The following ZNF331 variants were observed in gnomAD, a reference collection of about 807,000 sequenced individuals.
ZNF331 encodes the protein C2H2-like zinc finger protein rearranged in thyroid adenomas.
A neutral mutation model predicts 7.0 loss-of-function variants in ZNF331; 2 were observed. The ratio of observed to expected loss-of-function variants is 0.29; its 90% confidence interval spans 0.12 to 0.90. ZNF331 has a LOEUF of 0.90. ZNF331 is among the 40% of genes least tolerant of loss of function. The pLI, the probability that ZNF331 is intolerant of heterozygous loss-of-function variation, is 0.58. For synonymous variants in ZNF331, 196 were observed against 205.4 expected, an observed-to-expected ratio of 0.95 and a Z score of 0.39; for missense variants, 432 against 587.7, an observed-to-expected ratio of 0.74 and a Z score of 2.74.
chr19:53,534,083 C>T (rs1458833266), upstream of ZNF331, among the ~76,000 whole-genome samples: 2 of 152,126 alleles, frequency 1.3e-5, no homozygotes, highest in African/African-American at 4.8e-5. Context: ...CGGACTAAGA[C>T]AACTGTATTG....
upstream of ZNF331, among the ~76,000 whole-genome samples, chr19:53,536,146 C>G (rs1391197309): frequency 1.3e-5 from 2 of 152,158 alleles, no homozygotes; most frequent in Admixed American, 1.3e-4. Context: ...ACTATCATGT[C>G]TCTGTCTCCC....
chr19:53,557,051 C>T (rs983009981), intron 3 of ZNF331, among the ~76,000 whole-genome samples: 1 of 140,740 alleles, frequency 7.1e-6, no homozygotes, highest in Non-Finnish European at 1.5e-5. Context: ...AACTCCTGAG[C>T]TCAAGCAATC....
chr19:53,540,770 C>T (rs2088106242), intron 2 of ZNF331, among the ~76,000 whole-genome samples: 1 of 77,420 alleles, frequency 1.3e-5, no homozygotes, highest in African/African-American at 6.5e-5. Context: ...CTTTTGCTGG[C>T]TTCTAGACAC....
chr19:53,547,067 T>C (rs1210391757), intron 2 of ZNF331, among the ~76,000 whole-genome samples: 1 of 152,222 alleles, frequency 6.6e-6, no homozygotes, highest in Non-Finnish European at 1.5e-5. Flanking sequence ...AACTCACTGA[T>C]AATCATATTT....
At chr19:53,564,645 A>T (rs905429796) in intron 3 of ZNF331, among the ~76,000 whole-genome samples, 3 of 152,196 alleles carry the variant, frequency 2.0e-5, no homozygotes, top group Non-Finnish European at 2.9e-5. Context: ...TTCTCAATTA[A>T]TCTGCATCAA....
Position 53,576,963 on chromosome 19 carries a change from G to A in ZNF331, c.403G>A (p.Asp135Asn). Residue 135 changes from aspartate (D) to asparagine (N), a missense_variant, in exon 6 of 6, where the codon GAC becomes AAC. Asp to Asn is a conservative substitution (Grantham distance 23). Coordinates refer to ENST00000449416, the MANE Select transcript of ZNF331 (RefSeq NM_001079906.2). ...HHKENSFECK[D>N]CGKAFSRGYQ... is the part of the protein sequence containing the mutation. ...TAAGGAGAATTCCTTTGAATGTAAG[G>A]ACTGTGGGAAGGCCTTTAGTCGTGG... 1.2e-6 allele frequency: 2 copies of A among 1,614,212 alleles called. No individual in the cohort carries two copies.
In ZNF331 at chr19:53,528,846, G is replaced by A. The variant is rs909664974; in HGVS notation, c.-205+6162G>A. ...GTTGCCCAGGCTGGAGTGCAGTGGC[G>A]CAATCAGAGCCCACTGCAGCCTCCG... is the stretch of plus-strand genomic sequence containing the variant. On this transcript the variant is annotated intron_variant, in intron 2 of 6. Transcript: ENST00000253144. Among the ~76,000 whole-genome samples the A allele has an allele frequency of 2.6e-5, 4 of 151,740 alleles. No homozygotes were observed. The South Asian group carries it at 8.3e-4, about 32-fold the overall frequency.
At chr19:53,535,816 T>A (rs1203814973), upstream of ZNF331, among the ~76,000 whole-genome samples, 2 of 149,918 alleles carry the variant, frequency 1.3e-5, no homozygotes, top group East Asian at 3.9e-4. Context: ...TTTTTTTTTT[T>A]CTTTTTTGAG....
chr19:53,514,772 T>C (rs189775212), upstream of ZNF331, among the ~76,000 whole-genome samples: 1,500 of 150,588 alleles, frequency 1.0e-2, 27 homozygotes, highest in African/African-American at 0.035. Context: ...TGCCTCAGCC[T>C]CCCGAGTAGC....
chr19:53,525,006 A>G (rs1600197835), intron 2 of ZNF331, among the ~76,000 whole-genome samples: 1 of 152,202 alleles, frequency 6.6e-6, no homozygotes, highest in Non-Finnish European at 1.5e-5. Context: ...TCCCAGCACC[A>G]TTTATTAAAA....
chr19:53,557,659 A>G (rs1323562178), intron 3 of ZNF331, among the ~76,000 whole-genome samples: 1 of 152,188 alleles, frequency 6.6e-6, no homozygotes, highest in African/African-American at 2.4e-5. Context: ...AACGATAATC[A>G]ACACAGAAAA....
intron 2 of ZNF331, among the ~76,000 whole-genome samples, chr19:53,543,316 G>A: frequency 6.6e-6 from 1 of 152,170 alleles, no homozygotes; most frequent in South Asian, 2.1e-4. Context: ...CCAGGCTGGA[G>A]TGTAATGGTG....
intron 3 of ZNF331, among the ~76,000 whole-genome samples, chr19:53,564,948 A>AT (rs2090084606): frequency 6.6e-6 from 1 of 152,212 alleles, no homozygotes; most frequent in Non-Finnish European, 1.5e-5. Context: ...GAAAAAACTG[A>AT]TTTTTTGAAC....
intron 3 of ZNF331, among the ~76,000 whole-genome samples, chr19:53,564,123 G>A (rs960935980): frequency 2.1e-5 from 3 of 139,782 alleles, no homozygotes; most frequent in Non-Finnish European, 4.5e-5. Flanking sequence ...TGTTGCCCAG[G>A]CTGCAATACA....
upstream of ZNF331, among the ~76,000 whole-genome samples, chr19:53,534,315 TCTCA>T (rs139371857): frequency 6.6e-6 from 1 of 151,422 alleles, no homozygotes; most frequent in East Asian, 1.9e-4. Flanking sequence ...TGATACAGAG[TCTCA>T]CTCTGTTGCC....
chr19:53,552,698 T>C (rs1271150944), intron 2 of ZNF331, among the ~76,000 whole-genome samples: 1 of 152,092 alleles, frequency 6.6e-6, no homozygotes, highest in Non-Finnish European at 1.5e-5. Context: ...GCACTACTGC[T>C]CTCCAGCCTG....
Position 53,560,123 on chromosome 19 carries a change from T to C in ZNF331, c.-74+4215T>C, listed in dbSNP as rs994408400. Among the ~76,000 whole-genome samples the C allele has an allele frequency of 4.0e-5, 6 of 148,328 alleles. No individual in the cohort carries two copies. Among genetic ancestry groups the C allele is most frequent in the Non-Finnish European group, 5.9e-5 (4 of 67,424 alleles). On this transcript the variant is annotated intron_variant, in intron 3 of 5. Transcript: ENST00000449416. This position sits in a 1 kb window ranked among gnomAD's most constrained non-coding sequence, Gnocchi z 4.3. ...TACCCACACCATACACACACATATA[T>C]ACACACACCATATATATACACACAT...
chr19:53,513,947 T>C, the ZNF331 span, among the ~76,000 whole-genome samples: 2 of 152,250 alleles, frequency 1.3e-5, no homozygotes, highest in African/African-American at 4.8e-5. Context: ...ACTATTATCA[T>C]ATTTGCTTTT....
rs143790173 is a variant in ZNF331, at chr19:53,539,981, A to T, written c.-138+699A>T. On this transcript the variant is annotated intron_variant, in intron 2 of 5. Coordinates refer to ENST00000449416, the MANE Select transcript of ZNF331 (RefSeq NM_001079906.2). This position sits in a 1 kb window ranked among gnomAD's most constrained non-coding sequence, Gnocchi z 6.1. ...ATATTAAACACTACTAATAGTTATTAACAATAGTAAATGAAGGAAATGCTT... is the reference window on the plus strand; with the variant it reads ...ATATTAAACACTACTAATAGTTATTTACAATAGTAAATGAAGGAAATGCTT... Among the ~76,000 whole-genome samples, 1,778 of 152,356 alleles carry T rather than the reference A, an allele frequency of 0.012. 29 individuals are homozygous for T. The highest frequency in any genetic ancestry group is 0.041 in the African/African-American group (1,688 of 41,584).
Sources: allele counts gnomAD v4.1 joint callset (sites outside exome capture counted in the v4.1 genomes callset), GRCh38; gene constraint gnomAD v4.1.1; non-coding constraint Gnocchi (gnomAD v3.1); transcripts MANE v1.5; gene names NCBI Gene and HGNC (gene_info 2026-07-23, HGNC 2026-07-21).